POLR1A: variants seen among roughly 807,000 people sequenced by gnomAD.
The protein encoded by POLR1A is DNA-directed RNA polymerase I subunit RPA1.
Under a neutral mutation model 205.3 loss-of-function variants are expected in POLR1A, and 84 were observed. The ratio of observed to expected loss-of-function variants is 0.41; its 90% CI spans 0.34 to 0.49. The LOEUF (loss-of-function observed/expected upper bound fraction) is 0.49, where lower values mean the gene tolerates loss of function less well. Among genes scored for constraint, POLR1A ranks in the 20% least tolerant of loss-of-function variants. POLR1A has a pLI of 0.22. For missense variants in POLR1A, 1,645 were observed against 2,204.5 expected, an observed-to-expected ratio of 0.75 and a Z score of 5.08; for synonymous variants, 799 against 863.7, an observed-to-expected ratio of 0.93 and a Z score of 1.31.
At chr2:86,045,508 A>G in intron 20 of POLR1A, 109 bp downstream of exon 20, 1 of 1,334,298 alleles carries the variant, frequency 7.5e-7, no homozygotes, top group South Asian at 1.2e-5. Context: ...CTCGACAGCT[A>G]CAATAGCCCC....
intron 1 of POLR1A, among the ~76,000 whole-genome samples, chr2:86,103,810 T>G (rs1158345391): frequency 2.0e-5 from 3 of 152,190 alleles, no homozygotes; most frequent in Admixed American, 2.0e-4. Flanking sequence ...CTGTATCATG[T>G]GCAAAATGAC....
At chr2:86,082,990 C>T (rs1195791432) in intron 7 of POLR1A, 92 bp downstream of exon 7, 1 of 964,054 alleles carries the variant, frequency 1.0e-6, no homozygotes, top group Non-Finnish European at 1.6e-6. Flanking sequence ...ACAATCACTA[C>T]AACTTAAAAG....
intron 17 of POLR1A, 44 bp from the exon 18 acceptor site, chr2:86,049,086 CG>C: frequency 6.2e-7 from 1 of 1,613,342 alleles, no homozygotes; most frequent in African/African-American, 1.3e-5. Context: ...GGCCAAACGA[CG>C]AGAGTGTGGG....
chr2:86,069,613 C>A (rs1300039511), intron 13 of POLR1A, among the ~76,000 whole-genome samples: 2 of 152,202 alleles, frequency 1.3e-5, no homozygotes, highest in Admixed American at 6.5e-5. Context: ...TAGGCTGCTT[C>A]TTAAAACTCA....
At chr2:86,074,969 C>T (rs1673253270) in intron 12 of POLR1A, 61 bp downstream of exon 12, 2 of 1,201,316 alleles carry the variant, frequency 1.7e-6, no homozygotes, top group South Asian at 2.7e-5. Context: ...CTGATGGCCA[C>T]CAATCACCAG....
At chr2:86,051,605 C>T (rs951308196) in intron 16 of POLR1A, among the ~76,000 whole-genome samples, 11 of 152,224 alleles carry the variant, frequency 7.2e-5, no homozygotes, top group African/African-American at 2.2e-4. Context: ...ATGCCTGACA[C>T]GCAGCATCTC....
rs888415102 is a variant in POLR1A at position 86,040,445 on chromosome 2, G to A, written c.3687C>T (p.Asn1229=). ...IGEPSTQMTL[N]TFHFAGRGEM... The stretch of plus-strand genomic sequence containing the variant: ...CGCCTCTGCCTGCAAAGTGGAAGGT[G>A]TTGAGGGTCATCTGGGTGGAGGGCT... Residue 1229 remains asparagine (N), a synonymous_variant, in exon 25 of 34, where the codon AAC becomes AAT. Coordinates refer to ENST00000263857, the MANE Select transcript of POLR1A (RefSeq NM_015425.6). The A allele has an allele frequency of 5.6e-6, 9 of 1,613,662 alleles. No individual in the cohort carries two copies. The African/African-American group carries it at 1.2e-4, about 22-fold the overall frequency.
intron 3 of POLR1A, among the ~76,000 whole-genome samples, chr2:86,091,498 G>A (rs535830399): frequency 9.2e-5 from 14 of 152,282 alleles, no homozygotes; most frequent in African/African-American, 2.6e-4. Context: ...AAAGGAGGGA[G>A]GGTTTTTGGG....
chr2:86,065,802 G>A (rs1250942397), intron 13 of POLR1A: 6 of 243,264 alleles, frequency 2.5e-5, no homozygotes, highest in African/African-American at 6.8e-5. Context: ...AATTTGGTCT[G>A]GCTGCTGTCA....
chr2:86,055,022 C>T (rs559928532), intron 14 of POLR1A, among the ~76,000 whole-genome samples: 6 of 152,286 alleles, frequency 3.9e-5, no homozygotes, highest in African/African-American at 1.4e-4. Context: ...GCAACGAGGG[C>T]GCGGTGGCTC....
rs1195611682 is a variant in POLR1A at position 86,077,776 on chromosome 2, C to T, written c.1380+83G>A. On this transcript the variant is annotated intron_variant, in intron 11 of 33. Coordinates refer to ENST00000263857, the MANE Select transcript of POLR1A (RefSeq NM_015425.6). ...TCCTCTGCGGCATTCTCATCTGCCA[C>T]CCACGGGGAGCAAATGAGCCCTGCA... is the stretch of plus-strand genomic sequence containing the variant. 17 of 1,525,004 alleles carry T rather than the reference C, an allele frequency of 1.1e-5. No homozygotes were observed. In the East Asian group the frequency reaches 3.6e-4, roughly 32 times the overall value. 94.5% of individuals were successfully genotyped at this position (1,525,004 alleles called of 1,614,324 possible).
rs74865185 is a variant in POLR1A, at chr2:86,027,310, T to C, written c.*113A>G. On this transcript the variant is annotated 3_prime_UTR_variant, in exon 34 of 34. Coordinates refer to ENST00000263857, the MANE Select transcript of POLR1A (RefSeq NM_015425.6). The stretch of plus-strand genomic sequence containing the variant: ...AAGGTCGCTGCTGTGCTCTGTACTG[T>C]CACTTGGAACTGCCCTGGATTCCAG... 1,887 of 862,188 alleles carry C rather than the reference T, an allele frequency of 2.2e-3. 19 individuals carry two copies. In the African/African-American group the frequency reaches 0.026, roughly 12 times the overall value. 53.4% of individuals were successfully genotyped at this position (862,188 alleles called of 1,614,324 possible).
intron 30 of POLR1A, 146 bp downstream of exon 30, chr2:86,031,184 C>A: frequency 8.1e-7 from 1 of 1,227,946 alleles, no homozygotes; most frequent in Non-Finnish European, 1.1e-6. Flanking sequence ...AAACAGGAGG[C>A]CTGGCTGTGC....
At chr2:86,088,928 AT>A in intron 4 of POLR1A, 58 bp from the exon 5 acceptor site, 1 of 1,231,604 alleles carries the variant, frequency 8.1e-7, no homozygotes, top group African/African-American at 1.5e-5. Flanking sequence ...AGAATCCAAT[AT>A]ATTTACTTTA....
At position 86,070,129 on chromosome 2, in the gene POLR1A, A is replaced by G. The variant is rs1205847826; in HGVS notation, c.1755T>C (p.Tyr585=). Residue 585 remains tyrosine (Y), a synonymous_variant, in exon 13 of 34, where the codon TAT becomes TAC. Transcript: ENST00000263857. This position sits in a 1 kb window ranked among gnomAD's most constrained non-coding sequence, Gnocchi z 4.4. ...LRLHYANCKA[Y]NADFDGDEMN... ...TCTCGTCTCCATCAAAGTCGGCATT[A>G]TAGGCCTTGCAGTTGGCATAGTGGA... The G allele has an allele frequency of 6.2e-7, 1 of 1,614,118 alleles. No homozygotes were observed. Among genetic ancestry groups the G allele is most frequent in the African/African-American group, 1.3e-5 (1 of 74,948 alleles).
intron 13 of POLR1A, chr2:86,065,748 A>C: frequency 2.9e-6 from 1 of 340,726 alleles, no homozygotes; most frequent in East Asian, 5.2e-5. Context: ...GTTTAATCCC[A>C]TCTGGTTCTA....
In POLR1A at chr2:86,045,286, A is replaced by G. The variant is rs1407994929; in HGVS notation, c.2961T>C (p.Tyr987=). The change falls in exon 21 of 34, where the codon TAT becomes TAC. Residue 987 remains tyrosine, a synonymous_variant. Coordinates refer to ENST00000263857, the MANE Select transcript of POLR1A (RefSeq NM_015425.6). The part of the protein sequence containing the change: ...DTAVKTSRSG[Y]LQRCIIKHLE... ...CGGCAGATACATTTTACCTTTGGAG[A>G]TAGCCTGAGCGGCTGGTTTTCACAG... 1 of 1,610,874 alleles carries G rather than the reference A, an allele frequency of 6.2e-7. No homozygotes were observed. Among genetic ancestry groups the G allele is most frequent in the Admixed American group, 1.7e-5 (1 of 60,014 alleles).
chr2:86,042,224 A>G, intron 23 of POLR1A, 121 bp from the exon 24 acceptor site: 1 of 720,686 alleles, frequency 1.4e-6, no homozygotes, highest in Non-Finnish European at 2.4e-6. Flanking sequence ...TGCAATGAGA[A>G]ACCATCTCCC....
At chr2:86,049,923 GT>G (rs1672773013) in intron 16 of POLR1A, among the ~76,000 whole-genome samples, 1 of 148,922 alleles carries the variant, frequency 6.7e-6, no homozygotes, top group Non-Finnish European at 1.5e-5. Context: ...TTTTTTTTTT[GT>G]TTTTGTTTTT....
Sources: allele counts gnomAD v4.1 joint callset (sites outside exome capture counted in the v4.1 genomes callset), GRCh38; gene constraint gnomAD v4.1.1; non-coding constraint Gnocchi (gnomAD v3.1); transcripts MANE v1.5; gene names NCBI Gene and HGNC (gene_info 2026-07-23, HGNC 2026-07-21).